Variants in CGNL1 observed in about 807,000 individuals in gnomAD.
The protein encoded by CGNL1 is cingulin like 1.
Under a neutral mutation model 141.2 loss-of-function variants are expected in CGNL1, and 132 were observed. That is an observed-to-expected ratio of 0.93 (90% CI 0.81 to 1.08). CGNL1 has a LOEUF of 1.08. Ranked by LOEUF, CGNL1 falls within the 50% of genes least tolerant of loss-of-function variation. CGNL1 has a pLI of 0.00. For missense variants in CGNL1, 1,870 were observed against 1,588.6 expected (o/e 1.18, Z -3.01); for synonymous variants, 690 against 622.1 (o/e 1.11, Z -1.63).
chr15:57,461,899 G>A lies in CGNL1; in HGVS notation c.2403+7G>A, dbSNP rs1337503479. ...TGTGGAAGAAGCAACCAAGGTGAGG[G>A]ATGGGGCAGGAGAATCTGGCTTGTG... On this transcript the variant is annotated splice_region_variant and intron_variant, in intron 8 of 18. Transcript: ENST00000281282. 4 of 1,610,490 alleles carry A rather than the reference G, an allele frequency of 2.5e-6. No individual in the cohort carries two copies. The highest frequency in any genetic ancestry group is 3.4e-6 in the Non-Finnish European group (4 of 1,177,100).
chr15:57,525,745 G>T (rs1347084524), intron 12 of CGNL1, among the ~76,000 whole-genome samples: 1 of 152,012 alleles, frequency 6.6e-6, no homozygotes, highest in Non-Finnish European at 1.5e-5. Context: ...CTGTGTAAAA[G>T]AACAATAGAT....
At chr15:57,416,416 C>T (rs1362763984) in intron 1 of CGNL1, among the ~76,000 whole-genome samples, 15 of 152,126 alleles carry the variant, frequency 9.9e-5, no homozygotes, top group Admixed American at 3.3e-4. Context: ...GGAACATTCT[C>T]ATTTTCCTCT....
At chr15:57,411,955 G>A (rs914476811) in intron 1 of CGNL1, among the ~76,000 whole-genome samples, 2 of 152,084 alleles carry the variant, frequency 1.3e-5, no homozygotes, top group South Asian at 2.1e-4. Context: ...TTCCATCAGC[G>A]CTCATATTTT....
At position 57,516,804 on chromosome 15, in the gene CGNL1, A is replaced by G; in HGVS notation, c.2428A>G (p.Ser810Gly). 6.2e-7 allele frequency: 1 copy of G among 1,614,188 alleles called. No homozygotes were observed. Among genetic ancestry groups the G allele is most frequent in the Non-Finnish European group, 8.5e-7 (1 of 1,180,024 alleles). ...GAATGTCGAGGTCTTGGCGAGCAGG[A>G]GCAACACTTCAGAGCAAGACCAGGC... ...TKNVEVLASR[S>G]NTSEQDQAGT... is the part of the protein sequence containing the mutation. The change falls in exon 9 of 19, where the codon AGC (serine) becomes GGC (glycine). Residue 810 changes from serine (S) to glycine (G), a missense_variant. Transcript: ENST00000281282.
chr15:57,480,714 A>G (rs2063714669), intron 8 of CGNL1, among the ~76,000 whole-genome samples: 1 of 152,138 alleles, frequency 6.6e-6, no homozygotes, highest in Non-Finnish European at 1.5e-5. Flanking sequence ...GTCTTTCAGA[A>G]TGAAACTAAT....
chr15:57,442,434 A>T lies in CGNL1; in HGVS notation c.1759A>T (p.Thr587Ser). The T allele has an allele frequency of 6.2e-7, 1 of 1,613,782 alleles. No individual in the cohort carries two copies. The highest frequency in any genetic ancestry group is 8.5e-7 in the Non-Finnish European group (1 of 1,179,768). Residue 587 changes from threonine to serine, a missense_variant, in exon 4 of 19, where the codon ACC becomes TCC. Transcript: ENST00000281282. ...KVNLVFEKIQ[T>S]LKSRAAGSAQ... is the part of the protein sequence containing the mutation. Reference sequence around the variant, plus strand: ...CAACTTGGTCTTTGAGAAAATCCAGACCTTAAAGTCTCGAGCAGCTGGGAG... The same window carrying T: ...CAACTTGGTCTTTGAGAAAATCCAGTCCTTAAAGTCTCGAGCAGCTGGGAG...
rs560475187 is a variant in CGNL1, at chr15:57,541,505, G to A, written c.3292-2191G>A. On this transcript the variant is annotated intron_variant, in intron 14 of 18. Coordinates refer to ENST00000281282, the MANE Select transcript of CGNL1 (RefSeq NM_032866.5). Reference sequence around the variant, plus strand: ...GTGCCCTCTTTGCAGTGTGTGATTCGTGAGGGCCCTGGGGCCCAGCAGAGT... The same window carrying A: ...GTGCCCTCTTTGCAGTGTGTGATTCATGAGGGCCCTGGGGCCCAGCAGAGT... Among the ~76,000 whole-genome samples, 95 of 152,338 alleles carry A rather than the reference G, an allele frequency of 6.2e-4. 1 individual carries two copies. Among genetic ancestry groups the A allele is most frequent in the African/African-American group, 2.1e-3 (87 of 41,584 alleles).
chr15:57,464,468 G>A (rs776602323), intron 8 of CGNL1, among the ~76,000 whole-genome samples: 1 of 152,168 alleles, frequency 6.6e-6, no homozygotes, highest in Admixed American at 6.5e-5. Flanking sequence ...GCTCAGCATG[G>A]TGCCTGGGAC....
chr15:57,403,671 TTAC>T (rs1700381811), intron 1 of CGNL1, among the ~76,000 whole-genome samples: 1 of 152,226 alleles, frequency 6.6e-6, no homozygotes, highest in Admixed American at 6.5e-5. Flanking sequence ...AGAAAAATAC[TTAC>T]TCTTTGAAAG....
At chr15:57,392,662 T>TA (rs2062556157) in intron 1 of CGNL1, among the ~76,000 whole-genome samples, 1 of 152,232 alleles carries the variant, frequency 6.6e-6, no homozygotes, top group South Asian at 2.1e-4. Context: ...ATCTGTCTCC[T>TA]ACTGAAGGCT....
At position 57,446,536 on chromosome 15, in the gene CGNL1, A is replaced by G. The variant is rs556151934; in HGVS notation, c.1803+4058A>G. Among the ~76,000 whole-genome samples, 12 of 152,260 alleles carry G rather than the reference A, an allele frequency of 7.9e-5. No individual in the cohort carries two copies. The South Asian group carries it at 2.5e-3, about 32-fold the overall frequency. On this transcript the variant is annotated intron_variant, in intron 4 of 18. Coordinates refer to ENST00000281282, the MANE Select transcript of CGNL1 (RefSeq NM_032866.5). ...AACATTATATCAGCAGGATTCATTA[A>G]TGTTGCATATACTGGTAGCTATTTT...
intron 14 of CGNL1, among the ~76,000 whole-genome samples, chr15:57,537,745 C>T (rs547503734): frequency 2.6e-5 from 4 of 152,322 alleles, no homozygotes; most frequent in African/African-American, 9.6e-5. Flanking sequence ...ATAAAACCCA[C>T]TGGAATCTGA....
chr15:57,380,619 C>A (rs1429386412), intron 1 of CGNL1, among the ~76,000 whole-genome samples: 3 of 152,100 alleles, frequency 2.0e-5, no homozygotes, highest in Non-Finnish European at 4.4e-5. Flanking sequence ...GCCCGTACCC[C>A]AAATGACTGA....
intron 1 of CGNL1, among the ~76,000 whole-genome samples, chr15:57,431,205 AG>A (rs2063040818): frequency 6.6e-6 from 1 of 152,204 alleles, no homozygotes; most frequent in Non-Finnish European, 1.5e-5. Flanking sequence ...TTTAGTTGTC[AG>A]GTTCATTTGA....
intron 8 of CGNL1, among the ~76,000 whole-genome samples, chr15:57,469,286 T>C (rs2063550192): frequency 1.3e-5 from 2 of 151,060 alleles, no homozygotes; most frequent in South Asian, 4.3e-4. Context: ...GTACTGGGAA[T>C]GGAAAGGCTA....
At chr15:57,508,101 T>C (rs1056602743) in intron 8 of CGNL1, among the ~76,000 whole-genome samples, 2 of 152,172 alleles carry the variant, frequency 1.3e-5, no homozygotes, top group Admixed American at 1.3e-4. Flanking sequence ...GGTACCTGGG[T>C]GATGAATACC....
At chr15:57,532,050 CT>C (rs2031982061) in intron 14 of CGNL1, among the ~76,000 whole-genome samples, 1 of 152,070 alleles carries the variant, frequency 6.6e-6, no homozygotes, top group African/African-American at 2.4e-5. Context: ...TTGATTTCAT[CT>C]TTTTCATTAA....
intron 1 of CGNL1, among the ~76,000 whole-genome samples, chr15:57,384,005 G>T (rs1306668540): frequency 6.8e-6 from 1 of 146,516 alleles, no homozygotes; most frequent in Admixed American, 6.8e-5. Flanking sequence ...GTCTGGTTGT[G>T]GCCAGACTAG....
chr15:57,482,010 A>G (rs1207494452), intron 8 of CGNL1, among the ~76,000 whole-genome samples: 2 of 152,136 alleles, frequency 1.3e-5, no homozygotes, highest in African/African-American at 2.4e-5. Context: ...CTAATGGCCA[A>G]TCATGTTGAA....
Sources: gnomAD v4.1 joint callset for allele counts (sites outside exome capture counted in the v4.1 genomes callset) on GRCh38, gnomAD v4.1.1 for gene constraint, MANE v1.5 for transcripts, NCBI Gene and HGNC (gene_info 2026-07-23, HGNC 2026-07-21) for gene names.